Variants in RALGAPA1 observed in about 807,000 individuals in gnomAD.
RALGAPA1 encodes the protein ral GTPase-activating protein subunit alpha-1.
A neutral mutation model predicts 269.6 loss-of-function variants in RALGAPA1; 52 were observed. That is an observed-to-expected ratio of 0.19 (90% CI 0.15 to 0.24). RALGAPA1 has a LOEUF of 0.24. Among genes scored for constraint, RALGAPA1 ranks in the 10% least tolerant of loss-of-function variants. The pLI is 1.00. For synonymous variants in RALGAPA1, 817 were observed against 1,008.3 expected (o/e 0.81, Z 3.60); for missense variants, 1,917 against 3,013.9 (o/e 0.64, Z 8.52).
Position 35,738,579 on chromosome 14 carries a change from A to G in RALGAPA1, c.1521T>C (p.Ala507=). 1 of 1,613,690 alleles carries G rather than the reference A, an allele frequency of 6.2e-7. No homozygotes were observed. Among genetic ancestry groups the G allele is most frequent in the Non-Finnish European group, 8.5e-7 (1 of 1,179,808 alleles). The change falls in exon 12 of 42, where the codon GCT becomes GCC. Residue 507 remains alanine (A), a synonymous_variant. Coordinates refer to ENST00000680220, the MANE Select transcript of RALGAPA1 (RefSeq NM_001346249.2). The part of the protein sequence containing the change: ...SWAKNGSYQG[A]LHNASEEATE... Reference sequence around the variant, plus strand: ...TGGCTTCTTCAGAGGCGTTATGAAGAGCACCTTGGTAGGAGCCGTTTTTTG... The same window carrying G: ...TGGCTTCTTCAGAGGCGTTATGAAGGGCACCTTGGTAGGAGCCGTTTTTTG...
At chr14:35,797,351 C>CAAAAAAAA (rs530576211) in intron 1 of RALGAPA1, among the ~76,000 whole-genome samples, 3 of 60,130 alleles carry the variant, frequency 5.0e-5, no homozygotes, top group East Asian at 5.6e-4. Flanking sequence ...GACTCCGTCT[C>CAAAAAAAA]AAAAAAAAAA....
chr14:35,600,881 AT>A (rs1555369941), intron 36 of RALGAPA1, among the ~76,000 whole-genome samples: 1 of 152,102 alleles, frequency 6.6e-6, no homozygotes, highest in Non-Finnish European at 1.5e-5. Context: ...GTAATTTTTT[AT>A]TGAAATGTAC....
At chr14:35,789,452 G>A (rs374586147) in intron 1 of RALGAPA1, among the ~76,000 whole-genome samples, 1 of 151,888 alleles carries the variant, frequency 6.6e-6, no homozygotes, top group Non-Finnish European at 1.5e-5. Flanking sequence ...AATAGTCAGG[G>A]GTGGTGGCAC....
chr14:35,542,116 C>A, intron 41 of RALGAPA1: 1 of 688,972 alleles, frequency 1.5e-6, no homozygotes, highest in Non-Finnish European at 2.2e-6. Flanking sequence ...TTAAAGTGTT[C>A]ACTGTACTGT....
intron 1 of RALGAPA1, 83 bp downstream of exon 1, chr14:35,808,647 C>T (rs2077545988): frequency 2.1e-6 from 3 of 1,454,816 alleles, no homozygotes; most frequent in Admixed American, 2.0e-5. Flanking sequence ...CGCGCCAGGT[C>T]CCGAGAGAGA....
chr14:35,743,779 A>C (rs1023509380), intron 10 of RALGAPA1, among the ~76,000 whole-genome samples: 1 of 152,210 alleles, frequency 6.6e-6, no homozygotes. Context: ...CATACAAAGA[A>C]AAAAATTAAG....
chr14:35,800,983 C>T (rs993046184), intron 1 of RALGAPA1, among the ~76,000 whole-genome samples: 9 of 150,346 alleles, frequency 6.0e-5, no homozygotes, highest in African/African-American at 2.2e-4. Flanking sequence ...CCAGCCTGGG[C>T]GACGAGCGAA....
intron 31 of RALGAPA1, among the ~76,000 whole-genome samples, chr14:35,642,479 T>C (rs2062093761): frequency 6.6e-6 from 1 of 151,912 alleles, no homozygotes; most frequent in East Asian, 1.9e-4. Context: ...GGAAAACAAG[T>C]TAATATGTTC....
chr14:35,543,481 CCT>C (rs1324286202), intron 41 of RALGAPA1, among the ~76,000 whole-genome samples: 2 of 152,046 alleles, frequency 1.3e-5, no homozygotes, highest in Non-Finnish European at 2.9e-5. Flanking sequence ...GGAAATTTAT[CCT>C]CTCTTATGTT....
At chr14:35,649,171 A>G (rs1223020940) in intron 31 of RALGAPA1, among the ~76,000 whole-genome samples, 1 of 152,230 alleles carries the variant, frequency 6.6e-6, no homozygotes, top group African/African-American at 2.4e-5. Context: ...CAAACTGAGA[A>G]CTGAAACTCA....
At chr14:35,651,913 G>A in intron 30 of RALGAPA1, 40 bp from the exon 31 acceptor site, 1 of 1,504,724 alleles carries the variant, frequency 6.6e-7, no homozygotes, top group Non-Finnish European at 9.0e-7. Flanking sequence ...CTCTATATAT[G>A]TCAAATTAAT....
At chr14:35,553,475 C>A (rs1283317841) in intron 39 of RALGAPA1, among the ~76,000 whole-genome samples, 1 of 152,114 alleles carries the variant, frequency 6.6e-6, no homozygotes, top group Non-Finnish European at 1.5e-5. Flanking sequence ...AGAAGCAACA[C>A]CTTTCGTTCT....
At chr14:35,604,147 TA>T (rs2059445108) in intron 36 of RALGAPA1, among the ~76,000 whole-genome samples, 1 of 152,026 alleles carries the variant, frequency 6.6e-6, no homozygotes, top group Non-Finnish European at 1.5e-5. Flanking sequence ...TAAAAATTTT[TA>T]AAAGAAATGA....
chr14:35,647,760 C>G (rs1194178125), intron 31 of RALGAPA1, among the ~76,000 whole-genome samples: 1 of 150,888 alleles, frequency 6.6e-6, no homozygotes, highest in East Asian at 2.0e-4. Flanking sequence ...TGAGACCAGC[C>G]TGGCCAATAT....
intron 41 of RALGAPA1, among the ~76,000 whole-genome samples, chr14:35,545,540 T>G (rs779631013): frequency 3.3e-5 from 5 of 152,076 alleles, no homozygotes; most frequent in Non-Finnish European, 7.4e-5. Flanking sequence ...TATGTATGTA[T>G]AGATATATGT....
At chr14:35,618,304 T>C (rs191725972) in intron 35 of RALGAPA1, among the ~76,000 whole-genome samples, 96 of 152,180 alleles carry the variant, frequency 6.3e-4, no homozygotes, top group Non-Finnish European at 1.2e-3. Context: ...AAAATGCAAA[T>C]ATCATTTGAT....
intron 26 of RALGAPA1, among the ~76,000 whole-genome samples, chr14:35,670,296 CTCT>C (rs1398035732): frequency 6.6e-6 from 1 of 152,168 alleles, no homozygotes. Context: ...TGTTAAACTG[CTCT>C]TCAAGTTATA....
Position 35,549,340 on chromosome 14 carries a change from A to G in RALGAPA1, c.7497-106T>C. On this transcript the variant is annotated intron_variant, in intron 39 of 41. Transcript: ENST00000680220. Reference sequence around the variant, plus strand: ...GCTAAGCCATTACTTCTTAATAAATAGAATTATTCACTAATTATTCTTATA... The same window carrying G: ...GCTAAGCCATTACTTCTTAATAAATGGAATTATTCACTAATTATTCTTATA... The G allele has an allele frequency of 2.6e-6, 3 of 1,141,142 alleles. No individual in the cohort carries two copies. In the East Asian group the frequency reaches 7.9e-5, roughly 30 times the overall value. 70.7% of individuals were successfully genotyped at this position (1,141,142 alleles called of 1,614,324 possible). A position where few individuals can be genotyped will look rare whatever the true frequency, so the allele number is the denominator to read the frequency against.
chr14:35,683,713 T>C (rs1269017178), intron 21 of RALGAPA1, 96 bp downstream of exon 21: 1 of 882,086 alleles, frequency 1.1e-6, no homozygotes, highest in African/African-American at 1.7e-5. Context: ...ACTTAAATAG[T>C]AATAAGTAAT....
Sources: allele counts gnomAD v4.1 joint callset (sites outside exome capture counted in the v4.1 genomes callset), GRCh38; gene constraint gnomAD v4.1.1; transcripts MANE v1.5; gene names NCBI Gene and HGNC (gene_info 2026-07-23, HGNC 2026-07-21).